The following PAX5 variants were observed in gnomAD, a reference collection of about 807,000 sequenced individuals.
The protein encoded by PAX5 is paired box protein Pax-5.
A neutral mutation model predicts 43.7 loss-of-function variants in PAX5; 9 were observed. The ratio of observed to expected loss-of-function variants is 0.21; its 90% CI spans 0.12 to 0.36. The LOEUF is 0.36. Ranked by LOEUF, PAX5 falls within the 10% of genes least tolerant of loss-of-function variation. The pLI is 1.00. For synonymous variants in PAX5, 228 were observed against 214.3 expected (o/e 1.06, Z -0.56); for missense variants, 383 against 532.7 (o/e 0.72, Z 2.77).
In PAX5 at chr9:36,944,027, A is replaced by G. The variant is rs142670777; in HGVS notation, c.781-20543T>C. Among the ~76,000 whole-genome samples, 15 of 152,178 alleles carry G rather than the reference A, an allele frequency of 9.9e-5. 1 individual carries two copies. The East Asian group carries it at 2.7e-3, about 27-fold the overall frequency. On this transcript the variant is annotated intron_variant, in intron 6 of 9. Coordinates refer to ENST00000358127, the MANE Select transcript of PAX5 (RefSeq NM_016734.3). ...ATAGCAAGACTCCATCCCTACAAAA[A>G]TAAAAAATCAGCCAGGTACTTTGGT...
At chr9:37,022,503 C>A (rs1839938226) in intron 1 of PAX5, among the ~76,000 whole-genome samples, 1 of 152,130 alleles carries the variant, frequency 6.6e-6, no homozygotes, top group East Asian at 1.9e-4. Context: ...TCTGGGAAAA[C>A]AAAGGGCAGG....
chr9:37,015,342 T>A lies in PAX5; in HGVS notation c.213-148A>T. On this transcript the variant is annotated intron_variant, in intron 2 of 9. Coordinates refer to ENST00000358127, the MANE Select transcript of PAX5 (RefSeq NM_016734.3). The surrounding 1 kb of genome is among the most constrained non-coding windows in gnomAD (Gnocchi z 4.4). Reference sequence around the variant, plus strand: ...CAGCCAGATGCGGCTTTTGAACATTTGAAATATGGCTAGTCTGAATCAAAA... The same window carrying A: ...CAGCCAGATGCGGCTTTTGAACATTAGAAATATGGCTAGTCTGAATCAAAA... 1.5e-6 allele frequency: 1 copy of A among 655,478 alleles called. No individual in the cohort carries two copies. Among genetic ancestry groups the A allele is most frequent in the East Asian group, 2.6e-5 (1 of 38,644 alleles). The allele number at this position is 655,478 out of a possible 1,614,324, so 40.6% of individuals were successfully genotyped here. A position where few individuals can be genotyped will look rare whatever the true frequency, so the allele number is the denominator to read the frequency against.
Position 36,957,735 on chromosome 9 carries a change from A to G in PAX5, c.780+8814T>C, listed in dbSNP as rs1398579652. 3.3e-5 allele frequency among the ~76,000 whole-genome samples: 5 copies of G among 152,192 alleles called. No homozygotes were observed. The East Asian group carries it at 9.6e-4, about 29-fold the overall frequency. On this transcript the variant is annotated intron_variant, in intron 6 of 9. Coordinates refer to ENST00000358127, the MANE Select transcript of PAX5 (RefSeq NM_016734.3). ...ATGGTAATTGGGAAGTCCTGAACAA[A>G]AGCGCATCCAGCCTACCATCTCCTT...
At chr9:36,947,713 CAT>C (rs142170684) in intron 6 of PAX5, among the ~76,000 whole-genome samples, 1 of 151,610 alleles carries the variant, frequency 6.6e-6, no homozygotes, top group South Asian at 2.1e-4. Context: ...TGTGTGTGAA[CAT>C]ATATATATAT....
chr9:36,915,319 T>C (rs1035623138), intron 7 of PAX5, among the ~76,000 whole-genome samples: 5 of 152,244 alleles, frequency 3.3e-5, no homozygotes, highest in Non-Finnish European at 7.3e-5. Context: ...CATCAATGTA[T>C]GCTCTTATAA....
chr9:36,902,620 G>A (rs890729948), intron 7 of PAX5, among the ~76,000 whole-genome samples: 8 of 152,208 alleles, frequency 5.3e-5, no homozygotes, highest in South Asian at 2.1e-4. Context: ...TGCAGGATCC[G>A]AGTGGGGAGT....
At chr9:36,889,184 G>GC (rs1827160652) in intron 7 of PAX5, among the ~76,000 whole-genome samples, 2 of 152,142 alleles carry the variant, frequency 1.3e-5, no homozygotes, top group South Asian at 4.1e-4. Context: ...CCTCCTTGGA[G>GC]TTCCCACAAG....
Position 36,986,493 on chromosome 9 carries a change from C to T in PAX5, c.604+16155G>A, listed in dbSNP as rs556571635. On this transcript the variant is annotated intron_variant, in intron 5 of 9. Transcript: ENST00000358127. ...CTTGGCGGAGGCCGGCGCGAGCGGG[C>T]GGCCTCCTTCCCGGGGGCGCCGCGC... Among the ~76,000 whole-genome samples, 32 of 152,196 alleles carry T rather than the reference C, an allele frequency of 2.1e-4. 1 individual carries two copies. The South Asian group carries it at 6.4e-3, about 31-fold the overall frequency.
At chr9:36,868,553 G>A (rs979744106) in intron 8 of PAX5, among the ~76,000 whole-genome samples, 4 of 152,270 alleles carry the variant, frequency 2.6e-5, no homozygotes, top group African/African-American at 9.6e-5. Context: ...GGATGGGGAG[G>A]GAGAAAGGAA....
chr9:36,872,774 C>T (rs1410380926), intron 8 of PAX5, among the ~76,000 whole-genome samples: 1 of 152,218 alleles, frequency 6.6e-6, no homozygotes, highest in Non-Finnish European at 1.5e-5. Context: ...TCCCCCCACC[C>T]TATGAGGGCA....
intron 1 of PAX5, among the ~76,000 whole-genome samples, chr9:37,027,800 G>A (rs536721198): frequency 3.4e-4 from 52 of 152,364 alleles, no homozygotes; most frequent in Non-Finnish European, 6.5e-4. Context: ...GGCGTCAGCC[G>A]GCCCTGGCCC....
chr9:37,005,909 G>T (rs181543069), intron 4 of PAX5, among the ~76,000 whole-genome samples: 4 of 152,088 alleles, frequency 2.6e-5, no homozygotes, highest in Admixed American at 2.0e-4. Context: ...CCACTCTGTC[G>T]GGTCACAGCC....
At chr9:36,970,321 C>T (rs901705786) in intron 5 of PAX5, among the ~76,000 whole-genome samples, 4 of 151,930 alleles carry the variant, frequency 2.6e-5, no homozygotes, top group African/African-American at 9.7e-5. Flanking sequence ...TGAGGAGATG[C>T]TCGTACAAAG....
intron 5 of PAX5, among the ~76,000 whole-genome samples, chr9:36,970,619 G>A (rs1253934545): frequency 6.6e-6 from 1 of 152,168 alleles, no homozygotes; most frequent in Admixed American, 6.5e-5. Flanking sequence ...AGGGGAGGTA[G>A]GAGCTTGCAT....
intron 7 of PAX5, among the ~76,000 whole-genome samples, chr9:36,910,422 A>C (rs1357116254): frequency 6.6e-6 from 1 of 152,162 alleles, no homozygotes; most frequent in East Asian, 1.9e-4. Context: ...CATTGTGTGG[A>C]TGAGCTATTC....
In PAX5 at chr9:36,849,602, G is replaced by A. The variant is rs576557806; in HGVS notation, c.1013-2673C>T. On this transcript the variant is annotated intron_variant, in intron 8 of 9. Coordinates refer to ENST00000358127, the MANE Select transcript of PAX5 (RefSeq NM_016734.3). Reference sequence around the variant, plus strand: ...TCTAACTCAGGCGACAGCTCTCACGGCCTCCGTTATTAGCACCCACAGCCA... The same window carrying A: ...TCTAACTCAGGCGACAGCTCTCACGACCTCCGTTATTAGCACCCACAGCCA... Among the ~76,000 whole-genome samples, 21 of 152,306 alleles carry A rather than the reference G, an allele frequency of 1.4e-4. No homozygotes were observed. In the East Asian group the frequency reaches 2.1e-3, roughly 15 times the overall value.
intron 6 of PAX5, among the ~76,000 whole-genome samples, chr9:36,961,859 C>CTTTCT (rs922731645): frequency 3.6e-4 from 55 of 152,342 alleles, no homozygotes; most frequent in Middle Eastern, 6.8e-3. Flanking sequence ...CCACCAGCAG[C>CTTTCT]TTTCTTTTCT....
chr9:37,021,762 G>A (rs893692490), intron 1 of PAX5, among the ~76,000 whole-genome samples: 6 of 152,158 alleles, frequency 3.9e-5, no homozygotes, highest in African/African-American at 9.7e-5. Flanking sequence ...AGAGTGATCC[G>A]ATGCAGCAAC....
intron 7 of PAX5, among the ~76,000 whole-genome samples, chr9:36,890,405 C>G (rs1036149303): frequency 1.3e-5 from 2 of 152,148 alleles, no homozygotes; most frequent in African/African-American, 2.4e-5. Flanking sequence ...TATGGGGGAA[C>G]TGGCTGGGAA....
Sources: gnomAD v4.1 joint callset for allele counts (sites outside exome capture counted in the v4.1 genomes callset) on GRCh38, gnomAD v4.1.1 for gene constraint, Gnocchi (gnomAD v3.1) non-coding constraint, MANE v1.5 for transcripts, NCBI Gene and HGNC (gene_info 2026-07-23, HGNC 2026-07-21) for gene names.